SHISA9: variants seen among roughly 807,000 people sequenced by gnomAD.
SHISA9 encodes shisa family member 9, also known as protein shisa-9.
In SHISA9, 13 loss-of-function variants were observed where a neutral mutation model predicts 38.0. That is an observed-to-expected ratio of 0.34 (90% CI 0.22 to 0.54). SHISA9 has a LOEUF of 0.54. Ranked by LOEUF, SHISA9 falls within the 20% of genes least tolerant of loss-of-function variation. The probability of loss-of-function intolerance (pLI) is 0.91; values close to 1 mark genes in which losing one functional copy is unlikely to be tolerated. For missense variants in SHISA9, 538 were observed against 575.8 expected (o/e 0.93, Z 0.67); for synonymous variants, 275 against 242.0 (o/e 1.14, Z -1.27).
chr16:13,541,414 C>T, the SHISA9 span, among the ~76,000 whole-genome samples: 1 of 152,268 alleles, frequency 6.6e-6, no homozygotes, highest in Admixed American at 6.5e-5. Context: ...AATGTGCACC[C>T]CCGCCTTTGC....
the SHISA9 span, among the ~76,000 whole-genome samples, chr16:13,285,647 C>T: frequency 6.6e-6 from 1 of 151,916 alleles, no homozygotes; most frequent in Non-Finnish European, 1.5e-5. Context: ...TGGGGACCTT[C>T]TTTGTTAGAG....
intron 2 of SHISA9, among the ~76,000 whole-genome samples, chr16:13,057,625 C>A (rs961344374): frequency 6.6e-6 from 1 of 152,126 alleles, no homozygotes; most frequent in Non-Finnish European, 1.5e-5. Context: ...ACTGCTTGCT[C>A]TAAATAAGTG....
the SHISA9 span, among the ~76,000 whole-genome samples, chr16:13,267,009 A>G: frequency 2.0e-5 from 3 of 152,226 alleles, no homozygotes; most frequent in African/African-American, 7.2e-5. Context: ...ACAAAATAAA[A>G]TTGAAGATTT....
the SHISA9 span, among the ~76,000 whole-genome samples, chr16:13,280,586 C>G: frequency 5.3e-5 from 8 of 151,862 alleles, no homozygotes; most frequent in African/African-American, 1.9e-4. Context: ...ATCATCCACA[C>G]ATCTCAAGAA....
At chr16:13,069,124 T>TATATGCACATATGTGTAC (rs1413314240) in intron 2 of SHISA9, among the ~76,000 whole-genome samples, 4 of 152,166 alleles carry the variant, frequency 2.6e-5, no homozygotes, top group African/African-American at 9.7e-5. Flanking sequence ...ATGCAATGTG[T>TATATGCACATATGTGTAC]ATATGCACAT....
intron 2 of SHISA9, among the ~76,000 whole-genome samples, chr16:12,919,063 A>T (rs1188194617): frequency 6.6e-6 from 1 of 152,224 alleles, no homozygotes; most frequent in African/African-American, 2.4e-5. Flanking sequence ...AAACATTTGT[A>T]TGTTCAGATG....
rs60419034 is a variant in SHISA9, at chr16:13,237,654, C to CAAAAAAAAAAAA, written c.*2251_*2262dup. 2.1e-5 allele frequency: 2 copies of CAAAAAAAAAAAA among 96,658 alleles called. No individual in the cohort carries two copies. The highest frequency in any genetic ancestry group is 2.0e-5 in the Non-Finnish European group (1 of 50,408). 6.0% of individuals were successfully genotyped at this position (96,658 alleles called of 1,614,324 possible). A position where few individuals can be genotyped will look rare whatever the true frequency, so the allele number is the denominator to read the frequency against. ...CCTGGGTGACGGAGTGAGACTATCT[C>CAAAAAAAAAAAA]AAAAAAAAAAAAAAAAAGAAAAAAA... is the stretch of plus-strand genomic sequence containing the variant. On this transcript the variant is annotated 3_prime_UTR_variant, in exon 5 of 5. Coordinates refer to ENST00000558583, the MANE Select transcript of SHISA9 (RefSeq NM_001145204.3).
At chr16:13,433,321 G>T in the SHISA9 span, among the ~76,000 whole-genome samples, 1 of 152,040 alleles carries the variant, frequency 6.6e-6, no homozygotes, top group Non-Finnish European at 1.5e-5. Context: ...TCAGTTGCTC[G>T]TCTGTAAATC....
At chr16:12,987,105 G>T (rs58407239) in intron 2 of SHISA9, among the ~76,000 whole-genome samples, 69 of 152,326 alleles carry the variant, frequency 4.5e-4, no homozygotes, top group African/African-American at 1.6e-3. Flanking sequence ...GAAGAGAATT[G>T]TGGTCAGAGT....
the SHISA9 span, among the ~76,000 whole-genome samples, chr16:13,376,091 C>T: frequency 6.6e-6 from 1 of 152,100 alleles, no homozygotes; most frequent in South Asian, 2.1e-4. Context: ...AATTGTGTTC[C>T]CTAGAAAAAA....
intron 2 of SHISA9, among the ~76,000 whole-genome samples, chr16:13,030,505 C>T (rs999638198): frequency 1.3e-5 from 2 of 152,196 alleles, no homozygotes; most frequent in African/African-American, 4.8e-5. Flanking sequence ...TGTCTAACTT[C>T]CCCGTTCCCC....
chr16:13,081,730 G>A (rs2073652106), intron 2 of SHISA9, among the ~76,000 whole-genome samples: 1 of 151,856 alleles, frequency 6.6e-6, no homozygotes, highest in Non-Finnish European at 1.5e-5. Context: ...GTGGGCACCT[G>A]TAATCCCAGC....
the SHISA9 span, among the ~76,000 whole-genome samples, chr16:13,365,619 G>C: frequency 2.0e-5 from 3 of 151,952 alleles, no homozygotes; most frequent in Non-Finnish European, 4.4e-5. Flanking sequence ...ACCACGCCTG[G>C]CTAATTTTTT....
chr16:13,081,905 GTGTT>G (rs1035290545), intron 2 of SHISA9, among the ~76,000 whole-genome samples: 1 of 152,016 alleles, frequency 6.6e-6, no homozygotes, highest in African/African-American at 2.4e-5. Flanking sequence ...GTGTGTGTGT[GTGTT>G]TGTGTGGTAG....
chr16:13,487,961 A>C, the SHISA9 span, among the ~76,000 whole-genome samples: 1 of 152,198 alleles, frequency 6.6e-6, no homozygotes, highest in Non-Finnish European at 1.5e-5. Flanking sequence ...ATCTCTTTTA[A>C]AGCAAGGGAT....
At chr16:13,289,954 T>C in the SHISA9 span, among the ~76,000 whole-genome samples, 1 of 152,192 alleles carries the variant, frequency 6.6e-6, no homozygotes, top group East Asian at 1.9e-4. Flanking sequence ...AAGAATGCTG[T>C]AATTTGAGAA....
chr16:13,498,931 T>C, the SHISA9 span, among the ~76,000 whole-genome samples: 2 of 152,258 alleles, frequency 1.3e-5, no homozygotes, highest in African/African-American at 2.4e-5. Context: ...TCCTGCCTTC[T>C]TTTTCCACCT....
the SHISA9 span, among the ~76,000 whole-genome samples, chr16:13,541,558 A>C: frequency 3.3e-5 from 5 of 152,194 alleles, no homozygotes; most frequent in African/African-American, 1.2e-4. Context: ...AGTGCAAGGA[A>C]TTGAAGACCT....
the SHISA9 span, among the ~76,000 whole-genome samples, chr16:13,468,702 G>A: frequency 2.6e-5 from 4 of 152,218 alleles, no homozygotes; most frequent in Non-Finnish European, 4.4e-5. Context: ...AAGCGTCCAG[G>A]TGTATGACTC....
Sources: gnomAD v4.1 joint callset for allele counts (sites outside exome capture counted in the v4.1 genomes callset) on GRCh38, gnomAD v4.1.1 for gene constraint, MANE v1.5 for transcripts, NCBI Gene and HGNC (gene_info 2026-07-23, HGNC 2026-07-21) for gene names.